Variants in MDGA2 observed in about 807,000 individuals in gnomAD.
The protein encoded by MDGA2 is MAM domain-containing glycosylphosphatidylinositol anchor protein 2.
Under a neutral mutation model 117.8 loss-of-function variants are expected in MDGA2, and 40 were observed. That is an observed-to-expected ratio of 0.34 (90% confidence interval 0.26 to 0.44). The LOEUF is 0.44. Among genes scored for constraint, MDGA2 ranks in the 20% least tolerant of loss-of-function variants. MDGA2 has a pLI of 1.00. For synonymous variants in MDGA2, 452 were observed against 439.0 expected, an observed-to-expected ratio of 1.03 and a Z score of -0.37; for missense variants, 1,123 against 1,250.6, an observed-to-expected ratio of 0.90 and a Z score of 1.54.
chr14:46,940,515 C>T (rs56851455), intron 9 of MDGA2, among the ~76,000 whole-genome samples: 5,303 of 151,740 alleles, frequency 0.035, 319 homozygotes, highest in African/African-American at 0.12. Flanking sequence ...GTAATCCCAG[C>T]TACTCAGGAG....
At chr14:46,864,813 G>T (rs1881679111) in intron 14 of MDGA2, among the ~76,000 whole-genome samples, 1 of 151,842 alleles carries the variant, frequency 6.6e-6, no homozygotes, top group Non-Finnish European at 1.5e-5. Flanking sequence ...TCTAAATGGA[G>T]AACACTAAGG....
chr14:47,217,413 A>G (rs565627287), intron 3 of MDGA2, among the ~76,000 whole-genome samples: 1 of 152,206 alleles, frequency 6.6e-6, no homozygotes, highest in African/African-American at 2.4e-5. Context: ...ATTATCATCA[A>G]GAGCAAAATG....
chr14:47,292,110 CTATTATATA>C lies in MDGA2; in HGVS notation c.420+9292_420+9300del, dbSNP rs539402457. Among the ~76,000 whole-genome samples, 627 of 152,332 alleles carry C rather than the reference CTATTATATA, an allele frequency of 4.1e-3. 2 individuals are homozygous for C. The highest frequency in any genetic ancestry group is 7.1e-3 in the Non-Finnish European group (486 of 68,036). On this transcript the variant is annotated intron_variant, in intron 2 of 16. Coordinates refer to ENST00000399232, the MANE Select transcript of MDGA2 (RefSeq NM_001113498.3). ...CGCTGATTTGGTTGTTTACCATAAG[CTATTATATA>C]TCATAATCCGCCTGACTTTTTAGTT...
chr14:47,035,379 A>C, intron 7 of MDGA2, 75 bp from the exon 8 acceptor site: 3 of 1,227,190 alleles, frequency 2.4e-6, no homozygotes, highest in Non-Finnish European at 3.4e-6. Context: ...GAAAATCATA[A>C]GGAAACAATT....
At chr14:47,611,851 C>T (rs1199219661) in intron 1 of MDGA2, among the ~76,000 whole-genome samples, 1 of 152,032 alleles carries the variant, frequency 6.6e-6, no homozygotes, top group Non-Finnish European at 1.5e-5. Context: ...CTTTATTGGC[C>T]AACAGTATAA....
chr14:47,664,224 T>C (rs912685691), intron 1 of MDGA2, among the ~76,000 whole-genome samples: 1 of 152,192 alleles, frequency 6.6e-6, no homozygotes, highest in Admixed American at 6.5e-5. Flanking sequence ...CTTAAAGTGT[T>C]TAAAAATACT....
At chr14:46,966,870 T>C (rs993221496) in intron 8 of MDGA2, among the ~76,000 whole-genome samples, 3 of 146,254 alleles carry the variant, frequency 2.1e-5, no homozygotes, top group South Asian at 2.3e-4. Context: ...GAATAATGCA[T>C]GAAAATACCA....
intron 2 of MDGA2, among the ~76,000 whole-genome samples, chr14:47,279,334 T>C (rs1451355883): frequency 6.6e-6 from 1 of 152,180 alleles, no homozygotes; most frequent in African/African-American, 2.4e-5. Flanking sequence ...TAGATTAAGC[T>C]AGTTTTGGTC....
At chr14:47,402,150 A>G (rs893853285) in intron 1 of MDGA2, among the ~76,000 whole-genome samples, 1 of 152,174 alleles carries the variant, frequency 6.6e-6, no homozygotes, top group African/African-American at 2.4e-5. Context: ...CTGTGTAGGT[A>G]GTATTAGCAC....
chr14:47,104,302 T>C (rs997350910), intron 5 of MDGA2, among the ~76,000 whole-genome samples: 27 of 151,286 alleles, frequency 1.8e-4, no homozygotes, highest in Admixed American at 1.6e-3. Context: ...TGAATATGCC[T>C]TGCCCCACCT....
chr14:47,650,217 C>G (rs1204412891), intron 1 of MDGA2, among the ~76,000 whole-genome samples: 1 of 152,048 alleles, frequency 6.6e-6, no homozygotes, highest in Non-Finnish European at 1.5e-5. Context: ...TCTTTTTGGG[C>G]CTGAAGCATG....
At chr14:47,411,938 A>C (rs114981019) in intron 1 of MDGA2, among the ~76,000 whole-genome samples, 1 of 152,338 alleles carries the variant, frequency 6.6e-6, no homozygotes, top group African/African-American at 2.4e-5. Flanking sequence ...AGACATTGAA[A>C]AGTAGTCACT....
intron 3 of MDGA2, among the ~76,000 whole-genome samples, chr14:47,149,819 C>T (rs1883092903): frequency 6.6e-6 from 1 of 152,172 alleles, no homozygotes; most frequent in African/African-American, 2.4e-5. Context: ...TCACTATCCT[C>T]ACTTGATCCT....
chr14:47,101,130 T>A (rs373712703), intron 5 of MDGA2, among the ~76,000 whole-genome samples: 13 of 122,766 alleles, frequency 1.1e-4, no homozygotes, highest in African/African-American at 3.5e-4. Flanking sequence ...GATAGACAGA[T>A]AGATAGAAAG....
At chr14:47,332,492 T>C (rs569257905) in intron 1 of MDGA2, among the ~76,000 whole-genome samples, 26 of 152,086 alleles carry the variant, frequency 1.7e-4, no homozygotes, top group Non-Finnish European at 2.2e-4. Context: ...TGTCTGCCTA[T>C]GCAGCTGAGA....
Position 47,493,738 on chromosome 14 carries a change from A to G in MDGA2, c.280+180779T>C, listed in dbSNP as rs567290187. Among the ~76,000 whole-genome samples the G allele has an allele frequency of 5.3e-5, 8 of 152,338 alleles. No individual in the cohort carries two copies. The South Asian group carries it at 1.2e-3, about 24-fold the overall frequency. On this transcript the variant is annotated intron_variant, in intron 1 of 16. Coordinates refer to ENST00000399232, the MANE Select transcript of MDGA2 (RefSeq NM_001113498.3). ...TTTTCTCTCCCATAGATAATTAAGT[A>G]TATTATTTAAACATTTGGCTTATTT...
At position 46,918,562 on chromosome 14, in the gene MDGA2, T is replaced by C. The variant is rs117711603; in HGVS notation, c.2238+1450A>G. Among the ~76,000 whole-genome samples the C allele has an allele frequency of 2.0e-3, 308 of 152,262 alleles. 1 individual carries two copies. Among genetic ancestry groups the C allele is most frequent in the Non-Finnish European group, 3.1e-3 (211 of 68,024 alleles). On this transcript the variant is annotated intron_variant, in intron 10 of 16. Transcript: ENST00000399232. Reference sequence around the variant, plus strand: ...GATTTCGGTTTTGCTCAGATTTACCTACAGTCCTTTTTCAATGAGGGATAA... The same window carrying C: ...GATTTCGGTTTTGCTCAGATTTACCCACAGTCCTTTTTCAATGAGGGATAA...
chr14:47,068,773 T>C (rs757000081), intron 6 of MDGA2, among the ~76,000 whole-genome samples: 1 of 152,184 alleles, frequency 6.6e-6, no homozygotes, highest in Non-Finnish European at 1.5e-5. Context: ...TGAAATCCTT[T>C]TGAAAATAGT....
At chr14:47,126,425 T>G (rs145749362) in intron 5 of MDGA2, among the ~76,000 whole-genome samples, 14 of 152,234 alleles carry the variant, frequency 9.2e-5, no homozygotes, top group African/African-American at 3.1e-4. Context: ...GTGTGATACA[T>G]AATGACACTT....
Sources: gnomAD v4.1 joint callset for allele counts (sites outside exome capture counted in the v4.1 genomes callset) on GRCh38, gnomAD v4.1.1 for gene constraint, MANE v1.5 for transcripts, NCBI Gene and HGNC (gene_info 2026-07-23, HGNC 2026-07-21) for gene names.